The following SSBP3 variants were observed in gnomAD, a reference collection of about 807,000 sequenced individuals.
SSBP3 encodes the protein single stranded DNA binding protein 3, also known as single-stranded DNA-binding protein 3.
A neutral mutation model predicts 69.6 loss-of-function variants in SSBP3; 5 were observed. That is an observed-to-expected ratio of 0.07 (90% CI 0.04 to 0.15). The LOEUF (loss-of-function observed/expected upper bound fraction) is 0.15, where lower values mean the gene tolerates loss of function less well. Ranked by LOEUF, SSBP3 falls within the 10% of genes least tolerant of loss-of-function variation. The probability of loss-of-function intolerance (pLI) is 1.00; values close to 1 mark genes in which losing one functional copy is unlikely to be tolerated. For synonymous variants in SSBP3, 196 were observed against 193.4 expected (o/e 1.01, Z -0.11); for missense variants, 312 against 534.0 (o/e 0.58, Z 4.10).
intron 4 of SSBP3, among the ~76,000 whole-genome samples, chr1:54,371,170 A>G (rs757788149): frequency 4.6e-5 from 7 of 152,238 alleles, no homozygotes; most frequent in Non-Finnish European, 7.3e-5. Context: ...TTTCATAGCC[A>G]TATCAGGTCG....
intron 4 of SSBP3, among the ~76,000 whole-genome samples, chr1:54,391,010 G>A (rs1648451745): frequency 6.6e-6 from 1 of 152,236 alleles, no homozygotes; most frequent in Non-Finnish European, 1.5e-5. Context: ...GAAGCTCTCA[G>A]CCTCTCCCAA....
At chr1:54,330,408 C>T (rs1646387545) in intron 4 of SSBP3, among the ~76,000 whole-genome samples, 2 of 152,318 alleles carry the variant, frequency 1.3e-5, no homozygotes, top group African/African-American at 4.8e-5. Flanking sequence ...GCCCCCTACA[C>T]CTCCACGGCC....
intron 14 of SSBP3, among the ~76,000 whole-genome samples, chr1:54,231,214 C>T (rs1644374303): frequency 6.6e-6 from 1 of 152,192 alleles, no homozygotes; most frequent in African/African-American, 2.4e-5. Context: ...CAGTCATTAT[C>T]TTTTTTACTA....
At chr1:54,290,281 T>C (rs1645579722) in intron 4 of SSBP3, among the ~76,000 whole-genome samples, 1 of 152,092 alleles carries the variant, frequency 6.6e-6, no homozygotes. Context: ...CCCCCTACCC[T>C]CTGTGGGGGG....
At chr1:54,275,664 G>A (rs1026969699) in intron 5 of SSBP3, among the ~76,000 whole-genome samples, 1 of 152,176 alleles carries the variant, frequency 6.6e-6, no homozygotes, top group African/African-American at 2.4e-5. Context: ...TACCACCACT[G>A]TCAAACAGCT....
intron 4 of SSBP3, among the ~76,000 whole-genome samples, chr1:54,298,034 C>T (rs1645731760): frequency 6.6e-6 from 1 of 152,180 alleles, no homozygotes; most frequent in South Asian, 2.1e-4. Context: ...GCCTCTTCTG[C>T]CCCCTCATGC....
chr1:54,233,780 G>A (rs1217873033), intron 14 of SSBP3, among the ~76,000 whole-genome samples: 2 of 151,782 alleles, frequency 1.3e-5, no homozygotes, highest in African/African-American at 2.4e-5. Context: ...TCAGCCCCCT[G>A]CCCGGCCAGC....
chr1:54,306,214 C>T (rs887474169), intron 4 of SSBP3, among the ~76,000 whole-genome samples: 2 of 152,084 alleles, frequency 1.3e-5, no homozygotes, highest in African/African-American at 4.8e-5. Context: ...GCACTGGGTC[C>T]CTCCCAAGGA....
At chr1:54,277,689 C>T (rs1645314858) in intron 5 of SSBP3, among the ~76,000 whole-genome samples, 1 of 152,324 alleles carries the variant, frequency 6.6e-6, no homozygotes, top group South Asian at 2.1e-4. Flanking sequence ...AGAAGAAAAA[C>T]AGCCTGTACC....
chr1:54,334,222 C>T (rs553844525), intron 4 of SSBP3, among the ~76,000 whole-genome samples: 70 of 151,724 alleles, frequency 4.6e-4, no homozygotes, highest in African/African-American at 1.6e-3. Flanking sequence ...CGTGGTGGTG[C>T]GTGCCTGTAG....
intron 5 of SSBP3, among the ~76,000 whole-genome samples, chr1:54,276,138 G>A (rs911763585): frequency 6.6e-6 from 1 of 152,162 alleles, no homozygotes; most frequent in African/African-American, 2.4e-5. Context: ...CTTCACCAAG[G>A]TGGAAAGTCC....
chr1:54,409,907 C>T (rs758491505), upstream of SSBP3, among the ~76,000 whole-genome samples: 1 of 152,238 alleles, frequency 6.6e-6, no homozygotes. Flanking sequence ...AAGCCCCCTC[C>T]GGTGACAGAC....
intron 7 of SSBP3, among the ~76,000 whole-genome samples, chr1:54,253,352 C>T (rs768469660): frequency 5.3e-5 from 8 of 151,372 alleles, no homozygotes; most frequent in Non-Finnish European, 7.4e-5. Flanking sequence ...CTGTCACACC[C>T]GGCTAATTTT....
chr1:54,399,808 GTTC>G (rs1272305174), intron 4 of SSBP3, among the ~76,000 whole-genome samples: 8 of 152,092 alleles, frequency 5.3e-5, no homozygotes, highest in Non-Finnish European at 1.2e-4. Context: ...ATTTTCTGAA[GTTC>G]TTCTTAGTTT....
At chr1:54,380,685 T>C (rs139244906) in intron 4 of SSBP3, among the ~76,000 whole-genome samples, 11 of 152,214 alleles carry the variant, frequency 7.2e-5, no homozygotes, top group African/African-American at 2.6e-4. Flanking sequence ...AAGGTGGCAT[T>C]GTGGCTGACA....
chr1:54,288,871 T>C (rs1645542167), intron 4 of SSBP3, among the ~76,000 whole-genome samples: 1 of 151,442 alleles, frequency 6.6e-6, no homozygotes, highest in Non-Finnish European at 1.5e-5. Flanking sequence ...CCAAAAAAAA[T>C]CAGCTGGGTG....
chr1:54,402,735 C>T (rs1436662511), intron 3 of SSBP3, among the ~76,000 whole-genome samples: 2 of 152,140 alleles, frequency 1.3e-5, no homozygotes, highest in Non-Finnish European at 2.9e-5. Context: ...TGCCTCACCC[C>T]CCACTAAAGA....
At chr1:54,377,304 A>G (rs751924878) in intron 4 of SSBP3, among the ~76,000 whole-genome samples, 1 of 152,248 alleles carries the variant, frequency 6.6e-6, no homozygotes, top group Non-Finnish European at 1.5e-5. Context: ...ATAAGCCCTC[A>G]AGGTTACTCC....
chr1:54,233,779 T>TG (rs1276388050), intron 14 of SSBP3, among the ~76,000 whole-genome samples: 1 of 146,062 alleles, frequency 6.8e-6, no homozygotes, highest in Non-Finnish European at 1.5e-5. Context: ...GTCAGCCCCC[T>TG]GCCCGGCCAG....
Sources: allele counts gnomAD v4.1 joint callset (sites outside exome capture counted in the v4.1 genomes callset), GRCh38; gene constraint gnomAD v4.1.1; transcripts MANE v1.5; gene names NCBI Gene and HGNC (gene_info 2026-07-23, HGNC 2026-07-21).